The following C12orf42 variants were observed in gnomAD, a reference collection of about 807,000 sequenced individuals.
C12orf42 encodes uncharacterized protein C12orf42.
Under a neutral mutation model 21.6 loss-of-function variants are expected in C12orf42, and 25 were observed. The ratio of observed to expected loss-of-function variants is 1.16; its 90% confidence interval spans 0.84 to 1.62. The LOEUF (loss-of-function observed/expected upper bound fraction) is 1.62, where lower values mean the gene tolerates loss of function less well. Ranked by LOEUF, C12orf42 falls within the 40% of genes most tolerant of loss-of-function variation. C12orf42 has a pLI of 0.00. For synonymous variants in C12orf42, 174 were observed against 175.0 expected, an observed-to-expected ratio of 0.99 and a Z score of 0.05; for missense variants, 483 against 459.3, an observed-to-expected ratio of 1.05 and a Z score of -0.47.
chr12:103,393,823 T>C (rs2047282243), intron 3 of C12orf42, among the ~76,000 whole-genome samples: 1 of 152,230 alleles, frequency 6.6e-6, no homozygotes. Context: ...CTATGGCATT[T>C]ATTCATAACT....
At chr12:103,476,965 C>T (rs564509240) in intron 2 of C12orf42, 6 of 152,182 alleles carry the variant, frequency 3.9e-5, no homozygotes, top group Admixed American at 6.5e-5. Flanking sequence ...TTGAATTCAA[C>T]TCATAATTCA....
chr12:103,217,714 T>C, the C12orf42 span, among the ~76,000 whole-genome samples: 3 of 152,232 alleles, frequency 2.0e-5, no homozygotes, highest in East Asian at 3.9e-4. Context: ...TGAAGCTTAG[T>C]GTGCAGTGAA....
downstream of C12orf42, among the ~76,000 whole-genome samples, chr12:103,298,557 C>T (rs151280344): frequency 0.026 from 3,887 of 152,166 alleles, 147 homozygotes; most frequent in African/African-American, 0.086. Flanking sequence ...TTCAATGCCA[C>T]CCCCATCAAT....
intron 2 of C12orf42, among the ~76,000 whole-genome samples, chr12:103,446,284 A>G (rs1164933346): frequency 6.6e-6 from 1 of 152,066 alleles, no homozygotes; most frequent in African/African-American, 2.4e-5. Flanking sequence ...AATGAAAAAA[A>G]GATACAGTCT....
chr12:103,382,521 C>A (rs1046983995), intron 3 of C12orf42, among the ~76,000 whole-genome samples: 1 of 152,190 alleles, frequency 6.6e-6, no homozygotes, highest in African/African-American at 2.4e-5. Flanking sequence ...TGCTTTGACC[C>A]TAATGAGATC....
chr12:103,505,320 G>A, the C12orf42 span: 21 of 263,436 alleles, frequency 8.0e-5, 1 homozygote, highest in Admixed American at 2.3e-4. Context: ...CCTTCCATCC[G>A]GGGTTAGTGC....
At chr12:103,294,714 A>G (rs941143410) in intron 4 of C12orf42, among the ~76,000 whole-genome samples, 5 of 152,270 alleles carry the variant, frequency 3.3e-5, no homozygotes, top group East Asian at 1.9e-4. Context: ...ATATTTCACA[A>G]AGACCTTGGA....
intron 2 of C12orf42, among the ~76,000 whole-genome samples, chr12:103,411,452 TACAA>T (rs1358821346): frequency 2.6e-5 from 4 of 152,212 alleles, no homozygotes; most frequent in Non-Finnish European, 5.9e-5. Context: ...AAAATTGTGA[TACAA>T]ACAATTATTG....
the C12orf42 span, among the ~76,000 whole-genome samples, chr12:103,514,553 C>T: frequency 1.3e-4 from 20 of 152,208 alleles, 1 homozygote; most frequent in African/African-American, 4.1e-4. Flanking sequence ...GCTTCAGGGC[C>T]TTGTAGACAT....
At chr12:103,147,234 T>C in the C12orf42 span, among the ~76,000 whole-genome samples, 4 of 152,168 alleles carry the variant, frequency 2.6e-5, no homozygotes, top group Non-Finnish European at 5.9e-5. Flanking sequence ...GTGGTTAAAA[T>C]TAAGTCTCGA....
chr12:103,196,923 T>C, the C12orf42 span, among the ~76,000 whole-genome samples: 1 of 152,198 alleles, frequency 6.6e-6, no homozygotes. Context: ...CATTTAAGAC[T>C]CATATTGATA....
At chr12:103,403,446 A>G (rs7295666) in intron 2 of C12orf42, among the ~76,000 whole-genome samples, 127,082 of 151,914 alleles carry the variant, frequency 0.84, 53,198 homozygotes, top group Admixed American at 0.88. Context: ...TGGTGTCACA[A>G]GGTGTGGAGC....
At chr12:103,291,353 A>G (rs1051305328) in intron 4 of C12orf42, among the ~76,000 whole-genome samples, 4 of 152,314 alleles carry the variant, frequency 2.6e-5, no homozygotes, top group East Asian at 1.9e-4. Flanking sequence ...GGAGATACCA[A>G]TGCGGGGGAA....
chr12:103,367,322 A>G (rs941245142), intron 4 of C12orf42, among the ~76,000 whole-genome samples: 9 of 151,926 alleles, frequency 5.9e-5, no homozygotes, highest in Non-Finnish European at 1.3e-4. Flanking sequence ...GAGGGATAAA[A>G]GGCTACAAAT....
the C12orf42 span, among the ~76,000 whole-genome samples, chr12:103,201,014 T>C: frequency 6.6e-6 from 1 of 152,174 alleles, no homozygotes; most frequent in Non-Finnish European, 1.5e-5. Context: ...CTGCAAAAAG[T>C]TGTCAAGGTG....
At chr12:103,561,842 C>G in the C12orf42 span, among the ~76,000 whole-genome samples, 1 of 152,180 alleles carries the variant, frequency 6.6e-6, no homozygotes, top group Non-Finnish European at 1.5e-5. Flanking sequence ...TGATCTGGGA[C>G]TTTTCAAATG....
chr12:103,056,835 A>C, the C12orf42 span, among the ~76,000 whole-genome samples: 2 of 151,108 alleles, frequency 1.3e-5, no homozygotes, highest in Non-Finnish European at 3.0e-5. Context: ...CCTTGGTGAG[A>C]CTCCCTATTT....
At chr12:103,537,253 C>A in the C12orf42 span, among the ~76,000 whole-genome samples, 6 of 151,816 alleles carry the variant, frequency 4.0e-5, no homozygotes, top group Non-Finnish European at 4.4e-5. Context: ...AGATAGCCTC[C>A]TTCAGAAGGG....
chr12:103,552,235 A>T, the C12orf42 span, among the ~76,000 whole-genome samples: 1 of 152,132 alleles, frequency 6.6e-6, no homozygotes, highest in Admixed American at 6.5e-5. Flanking sequence ...TGATATGAAG[A>T]CTGACTCACT....
Sources: allele counts gnomAD v4.1 joint callset (sites outside exome capture counted in the v4.1 genomes callset), GRCh38; gene constraint gnomAD v4.1.1; transcripts MANE v1.5; gene names NCBI Gene and HGNC (gene_info 2026-07-23, HGNC 2026-07-21).